MTUS2: variants seen among roughly 807,000 people sequenced by gnomAD.
MTUS2 encodes the protein microtubule associated scaffold protein 2.
MTUS2 carries 40 observed loss-of-function variants against 114.1 expected under a neutral mutation model. That is an observed-to-expected ratio of 0.35 (90% CI 0.27 to 0.46). The LOEUF is 0.46. MTUS2 is among the 20% of genes least tolerant of loss of function. MTUS2 has a pLI of 1.00. For synonymous variants in MTUS2, 688 were observed against 672.0 expected, an observed-to-expected ratio of 1.02 and a Z score of -0.37; for missense variants, 1,679 against 1,705.4, an observed-to-expected ratio of 0.98 and a Z score of 0.27.
At chr13:28,875,495 T>C (rs1277311312) in intron 2 of MTUS2, among the ~76,000 whole-genome samples, 1 of 152,244 alleles carries the variant, frequency 6.6e-6, no homozygotes, top group Non-Finnish European at 1.5e-5. Flanking sequence ...TCAACCTATG[T>C]CTTCAGTGTT....
intron 2 of MTUS2, among the ~76,000 whole-genome samples, chr13:29,021,445 A>G (rs1300273771): frequency 1.3e-5 from 2 of 152,186 alleles, no homozygotes; most frequent in Admixed American, 6.5e-5. Context: ...CATTGGTTTT[A>G]TATTTCTTTG....
At chr13:29,324,863 G>A (rs1490587359) in intron 7 of MTUS2, among the ~76,000 whole-genome samples, 152 bp downstream of exon 7, 2 of 152,180 alleles carry the variant, frequency 1.3e-5, no homozygotes, top group African/African-American at 2.4e-5. Context: ...TCTGACTCTA[G>A]ATGAAATGAA....
intron 6 of MTUS2, among the ~76,000 whole-genome samples, chr13:29,317,365 A>G (rs1900034964): frequency 2.0e-5 from 3 of 151,964 alleles, no homozygotes; most frequent in Admixed American, 2.0e-4. Flanking sequence ...CTGAAAACTG[A>G]TTTCCTTTCC....
chr13:29,243,197 A>G (rs1415448015), intron 5 of MTUS2, among the ~76,000 whole-genome samples: 2 of 152,208 alleles, frequency 1.3e-5, no homozygotes, highest in Admixed American at 6.5e-5. Flanking sequence ...ACAAGAAAGG[A>G]TGCCACTCAG....
chr13:29,369,427 C>A (rs935895901), intron 8 of MTUS2, among the ~76,000 whole-genome samples: 13 of 152,182 alleles, frequency 8.5e-5, no homozygotes, highest in African/African-American at 3.1e-4. Flanking sequence ...CTCCCTTTGG[C>A]TCCCTAAAGT....
At chr13:29,332,730 G>T (rs1409203583) in intron 7 of MTUS2, among the ~76,000 whole-genome samples, 1 of 150,190 alleles carries the variant, frequency 6.7e-6, no homozygotes, top group East Asian at 2.0e-4. Context: ...CACCTCCTGG[G>T]TTCATGCCAT....
intron 5 of MTUS2, among the ~76,000 whole-genome samples, chr13:29,101,306 T>C (rs1382967377): frequency 6.6e-6 from 1 of 151,908 alleles, no homozygotes; most frequent in Non-Finnish European, 1.5e-5. Context: ...TGTGCTGTCA[T>C]GAAACATACT....
At chr13:29,072,822 C>T (rs1415686420) in intron 4 of MTUS2, among the ~76,000 whole-genome samples, 1 of 152,204 alleles carries the variant, frequency 6.6e-6, no homozygotes. Flanking sequence ...ACCAACTCTT[C>T]TAATTCTGAA....
At chr13:28,833,773 A>C (rs1874870417) in intron 1 of MTUS2, among the ~76,000 whole-genome samples, 1 of 152,276 alleles carries the variant, frequency 6.6e-6, no homozygotes, top group South Asian at 2.1e-4. Context: ...TGCAGATGAC[A>C]TGATCTTGTA....
intron 9 of MTUS2, among the ~76,000 whole-genome samples, chr13:29,469,736 G>C (rs2138835292): frequency 6.6e-6 from 1 of 152,074 alleles, no homozygotes; most frequent in African/African-American, 2.4e-5. Flanking sequence ...GAGCCCAAGA[G>C]TTACAGGCTG....
intron 14 of MTUS2, among the ~76,000 whole-genome samples, chr13:29,500,303 C>G (rs898797083): frequency 6.6e-6 from 1 of 152,188 alleles, no homozygotes; most frequent in South Asian, 2.1e-4. Context: ...ATTCCTAAGT[C>G]CTGTTCATGG....
chr13:28,961,254 C>T (rs909141632), intron 2 of MTUS2, among the ~76,000 whole-genome samples: 2 of 152,034 alleles, frequency 1.3e-5, no homozygotes, highest in Non-Finnish European at 2.9e-5. Flanking sequence ...AAGATAGAAA[C>T]TTTCAAGAAC....
chr13:29,359,102 A>G (rs1385247061), intron 7 of MTUS2, among the ~76,000 whole-genome samples, 160 bp from the exon 8 acceptor site: 3 of 152,222 alleles, frequency 2.0e-5, no homozygotes, highest in Non-Finnish European at 4.4e-5. Context: ...CAATAATTTT[A>G]GTCCCTGACT....
chr13:29,351,390 C>A (rs1382647323), intron 7 of MTUS2, among the ~76,000 whole-genome samples: 4 of 152,044 alleles, frequency 2.6e-5, no homozygotes, highest in African/African-American at 9.7e-5. Flanking sequence ...GTCATCTCTC[C>A]CATCCCCAAA....
Position 29,024,489 on chromosome 13 carries a change from G to C in MTUS2, c.-210G>C, listed in dbSNP as rs1783000779. 11 of 589,552 alleles carry C rather than the reference G, an allele frequency of 1.9e-5. No individual in the cohort carries two copies. The highest frequency in any genetic ancestry group is 2.9e-5 in the Non-Finnish European group (10 of 339,426). 36.5% of individuals were successfully genotyped at this position (589,552 alleles called of 1,614,324 possible). On this transcript the variant is annotated 5_prime_UTR_variant, in exon 3 of 16. Transcript: ENST00000612955. ...GGACTGATTGGCTCTCATTCAGCAGGAACCTAACAGATAAGTCTTCCTGCT... is the reference window on the plus strand; with the variant it reads ...GGACTGATTGGCTCTCATTCAGCAGCAACCTAACAGATAAGTCTTCCTGCT...
At chr13:29,200,537 T>TTTTTTTTTGG (rs1894903821) in intron 5 of MTUS2, among the ~76,000 whole-genome samples, 1 of 146,584 alleles carries the variant, frequency 6.8e-6, no homozygotes, top group Non-Finnish European at 1.5e-5. Flanking sequence ...TTTTTTTTTT[T>TTTTTTTTTGG]GAGATGGAGT....
At chr13:29,144,132 G>T (rs574280700) in intron 5 of MTUS2, among the ~76,000 whole-genome samples, 2 of 152,280 alleles carry the variant, frequency 1.3e-5, no homozygotes, top group African/African-American at 4.8e-5. Flanking sequence ...CAGAAAGAGG[G>T]ACATAAAAGT....
At chr13:28,943,531 A>G (rs1296812236) in intron 2 of MTUS2, among the ~76,000 whole-genome samples, 1 of 152,180 alleles carries the variant, frequency 6.6e-6, no homozygotes, top group Non-Finnish European at 1.5e-5. Context: ...GAACATTTCC[A>G]TCATTGCAGC....
rs542435942 is a variant in MTUS2, at chr13:28,955,539, A to G, written c.-242-68918A>G. ...AAGTGAGGGGCTCAGTGTGACCCAT[A>G]TATGTGATGGTTTTCTAGGTGTCTG... On this transcript the variant is annotated intron_variant, in intron 2 of 15. Coordinates refer to ENST00000612955, the MANE Select transcript of MTUS2 (RefSeq NM_001033602.4). Among the ~76,000 whole-genome samples, 13 of 152,276 alleles carry G rather than the reference A, an allele frequency of 8.5e-5. No homozygotes were observed. The East Asian group carries it at 2.5e-3, about 29-fold the overall frequency.
Sources: gnomAD v4.1 joint callset for allele counts (sites outside exome capture counted in the v4.1 genomes callset) on GRCh38, gnomAD v4.1.1 for gene constraint, MANE v1.5 for transcripts, NCBI Gene and HGNC (gene_info 2026-07-23, HGNC 2026-07-21) for gene names.